Variants in CHEK1 observed in about 807,000 individuals in gnomAD.
CHEK1 encodes serine/threonine-protein kinase Chk1.
In CHEK1, 32 loss-of-function variants were observed where a neutral mutation model predicts 60.2. The ratio of observed to expected loss-of-function variants is 0.53; its 90% CI spans 0.40 to 0.71. The LOEUF (loss-of-function observed/expected upper bound fraction) is 0.71, where lower values mean the gene tolerates loss of function less well. Among genes scored for constraint, CHEK1 ranks in the 30% least tolerant of loss-of-function variants. The probability of loss-of-function intolerance (pLI) is 0.00; values close to 1 mark genes in which losing one functional copy is unlikely to be tolerated. For synonymous variants in CHEK1, 179 were observed against 187.2 expected, an observed-to-expected ratio of 0.96 and a Z score of 0.36; for missense variants, 399 against 564.6, an observed-to-expected ratio of 0.71 and a Z score of 2.97.
intron 5 of CHEK1, among the ~76,000 whole-genome samples, chr11:125,630,127 G>A (rs951331892): frequency 2.6e-5 from 4 of 152,120 alleles, no homozygotes; most frequent in East Asian, 1.9e-4. Flanking sequence ...TATGTATGAC[G>A]TGGATAAAAA....
downstream of CHEK1, chr11:125,657,180 C>A: frequency 1.7e-5 from 2 of 117,102 alleles, no homozygotes; most frequent in Non-Finnish European, 3.4e-5. Flanking sequence ...GAAAAATCAA[C>A]CTATGCTTGT....
chr11:125,631,861 CAAAAAA>C (rs57281904), intron 5 of CHEK1, among the ~76,000 whole-genome samples: 5 of 51,374 alleles, frequency 9.7e-5, no homozygotes, highest in African/African-American at 2.4e-4. Flanking sequence ...GACACTTTCT[CAAAAAA>C]AAAAAAAAAA....
At chr11:125,637,244 A>T (rs999726736) in intron 7 of CHEK1, among the ~76,000 whole-genome samples, 3 of 152,224 alleles carry the variant, frequency 2.0e-5, no homozygotes, top group African/African-American at 7.2e-5. Flanking sequence ...ATTGAGAATC[A>T]GATCAGGGAA....
intron 2 of CHEK1, 35 bp downstream of exon 2, chr11:125,626,868 T>A (rs1176649890): frequency 6.2e-7 from 1 of 1,602,116 alleles, no homozygotes; most frequent in South Asian, 1.1e-5. Flanking sequence ...GTTTTCTGAG[T>A]GCATATTCAT....
intron 13 of CHEK1, among the ~76,000 whole-genome samples, chr11:125,668,006 C>G (rs970568579): frequency 6.6e-6 from 1 of 152,184 alleles, no homozygotes; most frequent in Non-Finnish European, 1.5e-5. Flanking sequence ...ATCATTAAGT[C>G]TCAGTTGCTA....
At chr11:125,666,853 C>T (rs1326483927) in intron 13 of CHEK1, among the ~76,000 whole-genome samples, 5 of 151,862 alleles carry the variant, frequency 3.3e-5, no homozygotes, top group African/African-American at 1.2e-4. Flanking sequence ...TTTTTCCAAC[C>T]CTTCACTTTC....
intron 9 of CHEK1, 30 bp from the exon 10 acceptor site, chr11:125,644,061 T>G: frequency 6.3e-7 from 1 of 1,595,418 alleles, no homozygotes. Flanking sequence ...TTTTATTAAA[T>G]GTATGTTTCT....
At chr11:125,633,921 T>TCCTG (rs745525809) in intron 6 of CHEK1, among the ~76,000 whole-genome samples, 17 of 151,990 alleles carry the variant, frequency 1.1e-4, no homozygotes, top group Non-Finnish European at 1.8e-4. Context: ...AGGGCCCTCT[T>TCCTG]CCTGATTTGC....
intron 6 of CHEK1, among the ~76,000 whole-genome samples, chr11:125,634,430 C>T (rs1417198274): frequency 6.6e-6 from 1 of 151,958 alleles, no homozygotes; most frequent in Non-Finnish European, 1.5e-5. Flanking sequence ...TCAAGCGATC[C>T]TCCTGCCTCA....
rs190664794 is a variant in CHEK1, at chr11:125,645,456, T to C, written c.1233+813T>C. 2.7e-3 allele frequency among the ~76,000 whole-genome samples: 408 copies of C among 152,338 alleles called. 1 individual carries two copies. Among genetic ancestry groups the C allele is most frequent in the African/African-American group, 8.8e-3 (368 of 41,584 alleles). On this transcript the variant is annotated intron_variant, in intron 11 of 12. Transcript: ENST00000438015. Reference sequence around the variant, plus strand: ...TGAAAGACAAATAGGGTAGCTGTTTTTTACTCAAGGAGACTAAAGAGGCCT... The same window carrying C: ...TGAAAGACAAATAGGGTAGCTGTTTCTTACTCAAGGAGACTAAAGAGGCCT...
At chr11:125,633,631 T>C (rs1396621343) in intron 6 of CHEK1, among the ~76,000 whole-genome samples, 3 of 152,124 alleles carry the variant, frequency 2.0e-5, no homozygotes, top group Non-Finnish European at 4.4e-5. Flanking sequence ...TAAAAATTCA[T>C]TGTAGAGATG....
downstream of CHEK1, among the ~76,000 whole-genome samples, chr11:125,679,232 T>TTTTTTTTTTTTTAA (rs1591440209): frequency 6.7e-6 from 1 of 148,604 alleles, no homozygotes; most frequent in Admixed American, 6.8e-5. Context: ...TTTTTTTTGT[T>TTTTTTTTTTTTTAA]TCAAAGATAG....
downstream of CHEK1, among the ~76,000 whole-genome samples, chr11:125,677,022 C>T (rs1026920210): frequency 3.9e-5 from 6 of 152,182 alleles, no homozygotes; most frequent in African/African-American, 1.4e-4. Context: ...TTTACTGTCT[C>T]TACTGCTAAT....
intron 2 of CHEK1, 136 bp downstream of exon 2, chr11:125,626,969 G>A (rs1940640269): frequency 2.2e-6 from 2 of 906,736 alleles, no homozygotes; most frequent in South Asian, 3.7e-5. Context: ...CTTTTGCTAG[G>A]ATTAAAAATT....
At chr11:125,649,493 G>A (rs552341431) in intron 11 of CHEK1, among the ~76,000 whole-genome samples, 15 of 152,262 alleles carry the variant, frequency 9.9e-5, no homozygotes, top group African/African-American at 3.6e-4. Context: ...GGAGGCTGAG[G>A]TGGGTAGATC....
chr11:125,669,326 C>G (rs1011452043), intron 13 of CHEK1, among the ~76,000 whole-genome samples: 1 of 152,092 alleles, frequency 6.6e-6, no homozygotes, highest in African/African-American at 2.4e-5. Flanking sequence ...ACAGTATTTT[C>G]CCTTCATTAC....
In CHEK1 at chr11:125,656,108, A is replaced by G. The variant is rs1048767326; in HGVS notation, c.*788A>G. 16 of 211,130 alleles carry G rather than the reference A, an allele frequency of 7.6e-5. No homozygotes were observed. The highest frequency in any genetic ancestry group is 1.8e-4 in the Admixed American group (3 of 17,018). 13.1% of individuals were successfully genotyped at this position (211,130 alleles called of 1,614,324 possible). A position where few individuals can be genotyped will look rare whatever the true frequency, so the allele number is the denominator to read the frequency against. ...GAGGGAAGGGAAGAGTAAGGAAGCT[A>G]TAAGAAAAATAGATCTGATTCTTTG... is the stretch of plus-strand genomic sequence containing the variant. On this transcript the variant is annotated 3_prime_UTR_variant, in exon 13 of 13. Transcript: ENST00000438015.
At chr11:125,635,361 T>G (rs771300573) in intron 6 of CHEK1, 68 bp from the exon 7 acceptor site, 64 of 971,512 alleles carry the variant, frequency 6.6e-5, no homozygotes, top group Non-Finnish European at 7.8e-5. Flanking sequence ...TGGATTTATA[T>G]TATTATTTTT....
intron 8 of CHEK1, 47 bp from the exon 9 acceptor site, chr11:125,643,745 A>G (rs751895267): frequency 6.9e-7 from 1 of 1,455,554 alleles, no homozygotes; most frequent in Non-Finnish European, 9.5e-7. Flanking sequence ...TTAAAAACAT[A>G]CTTGCATAGA....
Sources: allele counts gnomAD v4.1 joint callset (sites outside exome capture counted in the v4.1 genomes callset), GRCh38; gene constraint gnomAD v4.1.1; transcripts MANE v1.5; gene names NCBI Gene and HGNC (gene_info 2026-07-23, HGNC 2026-07-21).